Variants in LRRC4C observed in about 807,000 individuals in gnomAD.
LRRC4C encodes leucine rich repeat containing 4C.
LRRC4C carries 5 observed loss-of-function variants against 33.6 expected under a neutral mutation model. The ratio of observed to expected loss-of-function variants is 0.15; its 90% CI spans 0.08 to 0.31. The LOEUF is 0.31. Ranked by LOEUF, LRRC4C falls within the 10% of genes least tolerant of loss-of-function variation. The pLI, the probability that LRRC4C is intolerant of heterozygous loss-of-function variation, is 1.00. For missense variants in LRRC4C, 560 were observed against 796.7 expected (o/e 0.70, Z 3.58); for synonymous variants, 329 against 302.0 (o/e 1.09, Z -0.93).
At chr11:40,625,991 A>C (rs1299803057) in intron 3 of LRRC4C, among the ~76,000 whole-genome samples, 2 of 152,182 alleles carry the variant, frequency 1.3e-5, no homozygotes, top group Non-Finnish European at 2.9e-5. Context: ...TCCTCTGCTC[A>C]AAATTTCCCA....
At chr11:40,605,133 G>A (rs932410177) in intron 3 of LRRC4C, among the ~76,000 whole-genome samples, 1 of 152,110 alleles carries the variant, frequency 6.6e-6, no homozygotes. Flanking sequence ...GAAATTGAGG[G>A]TGAGAGATTT....
At chr11:40,377,332 C>A (rs1490805322) in intron 3 of LRRC4C, among the ~76,000 whole-genome samples, 1 of 152,032 alleles carries the variant, frequency 6.6e-6, no homozygotes, top group Non-Finnish European at 1.5e-5. Context: ...ATGGCATATA[C>A]TATATAGTGT....
intron 1 of LRRC4C, among the ~76,000 whole-genome samples, chr11:41,332,798 G>A (rs1470217449): frequency 3.9e-5 from 6 of 152,036 alleles, no homozygotes; most frequent in Admixed American, 2.0e-4. Flanking sequence ...TGCATCTTTA[G>A]CAATTAACCT....
intron 3 of LRRC4C, among the ~76,000 whole-genome samples, chr11:40,339,161 T>C (rs915110058): frequency 1.3e-5 from 2 of 152,160 alleles, no homozygotes; most frequent in African/African-American, 4.8e-5. Flanking sequence ...GACTTTAGAT[T>C]GTCTCAGGAT....
At chr11:40,472,148 C>T (rs926916513) in intron 3 of LRRC4C, among the ~76,000 whole-genome samples, 4 of 151,784 alleles carry the variant, frequency 2.6e-5, no homozygotes, top group African/African-American at 9.7e-5. Flanking sequence ...GTCGTGGTTG[C>T]GCATGCCTGT....
intron 1 of LRRC4C, among the ~76,000 whole-genome samples, chr11:41,419,043 C>G (rs1481928591): frequency 6.6e-6 from 1 of 151,780 alleles, no homozygotes; most frequent in African/African-American, 2.4e-5. Flanking sequence ...TTGAACCAGG[C>G]TTGGTCTTAA....
chr11:40,549,145 A>G (rs1283880193), intron 3 of LRRC4C, among the ~76,000 whole-genome samples: 1 of 152,174 alleles, frequency 6.6e-6, no homozygotes, highest in African/African-American at 2.4e-5. Context: ...GTGAACATCT[A>G]TTTATTAAAT....
chr11:41,345,971 T>C (rs566656985), intron 1 of LRRC4C, among the ~76,000 whole-genome samples: 5 of 89,418 alleles, frequency 5.6e-5, no homozygotes, highest in Admixed American at 1.5e-4. Context: ...CCTATACATA[T>C]GTTTTTCCAG....
chr11:41,174,816 G>C lies in LRRC4C; in HGVS notation c.-495-241093C>G, dbSNP rs955936731. On this transcript the variant is annotated intron_variant, in intron 1 of 6. Coordinates refer to ENST00000528697, the MANE Select transcript of LRRC4C (RefSeq NM_001258419.2). The stretch of plus-strand genomic sequence containing the variant: ...AAAACAAAATGTCTACCTATACCTA[G>C]ACTTGGATCTTAGAAAAGCACCTCA... Among the ~76,000 whole-genome samples, 20 of 151,640 alleles carry C rather than the reference G, an allele frequency of 1.3e-4. 1 individual carries two copies. Among genetic ancestry groups the C allele is most frequent in the Non-Finnish European group, 1.2e-4 (8 of 67,930 alleles).
chr11:41,424,291 T>A (rs2138353013), intron 1 of LRRC4C, among the ~76,000 whole-genome samples: 1 of 152,128 alleles, frequency 6.6e-6, no homozygotes, highest in African/African-American at 2.4e-5. Context: ...ATCTGGGATT[T>A]TAACAATATC....
chr11:40,418,537 T>C (rs567164748), intron 3 of LRRC4C, among the ~76,000 whole-genome samples: 15 of 152,236 alleles, frequency 9.9e-5, no homozygotes, highest in Non-Finnish European at 1.9e-4. Context: ...TCAACCATTG[T>C]GGAGGACACT....
At chr11:40,278,684 A>G (rs1590892608) in intron 4 of LRRC4C, among the ~76,000 whole-genome samples, 2 of 152,202 alleles carry the variant, frequency 1.3e-5, no homozygotes, top group South Asian at 2.1e-4. Flanking sequence ...CCTATATACA[A>G]TGTAGCATTA....
chr11:41,372,667 TTG>T (rs1952793051), intron 1 of LRRC4C, among the ~76,000 whole-genome samples: 1 of 152,092 alleles, frequency 6.6e-6, no homozygotes, highest in Non-Finnish European at 1.5e-5. Flanking sequence ...CTGATTCCTT[TTG>T]TATTGCTAAC....
Position 40,984,698 on chromosome 11 carries a change from G to T in LRRC4C, c.-495-50975C>A, listed in dbSNP as rs185430821. 2.0e-5 allele frequency among the ~76,000 whole-genome samples: 3 copies of T among 152,108 alleles called. No homozygotes were observed. The East Asian group carries it at 5.8e-4, about 30-fold the overall frequency. On this transcript the variant is annotated intron_variant, in intron 1 of 6. Coordinates refer to ENST00000528697, the MANE Select transcript of LRRC4C (RefSeq NM_001258419.2). ...CGTTTAGTTAGAAGGACTAGATGAA[G>T]AGCTATGTCTGTATAAATTGGAGTA... is the stretch of plus-strand genomic sequence containing the variant.
At chr11:41,078,261 T>C (rs1939302940) in intron 1 of LRRC4C, among the ~76,000 whole-genome samples, 2 of 152,196 alleles carry the variant, frequency 1.3e-5, no homozygotes, top group South Asian at 2.1e-4. Flanking sequence ...TGTCTTCTTC[T>C]AAGCCCTCCA....
At chr11:40,597,655 T>G (rs751060616) in intron 3 of LRRC4C, among the ~76,000 whole-genome samples, 3 of 152,172 alleles carry the variant, frequency 2.0e-5, no homozygotes, top group Non-Finnish European at 4.4e-5. Context: ...CCTTATTTAT[T>G]AAAAGAATAC....
chr11:40,298,189 A>T (rs1010580940), intron 4 of LRRC4C, among the ~76,000 whole-genome samples: 8 of 152,344 alleles, frequency 5.3e-5, no homozygotes, highest in African/African-American at 1.9e-4. Context: ...CTAAGAGAAG[A>T]TGCCACCAAA....
At chr11:41,178,384 G>C (rs1451898573) in intron 1 of LRRC4C, among the ~76,000 whole-genome samples, 1 of 152,020 alleles carries the variant, frequency 6.6e-6, no homozygotes, top group Non-Finnish European at 1.5e-5. Flanking sequence ...TTTTGAGACT[G>C]GTTCTTTGAC....
At chr11:40,219,983 C>G (rs1168570305) in intron 5 of LRRC4C, among the ~76,000 whole-genome samples, 1 of 152,086 alleles carries the variant, frequency 6.6e-6, no homozygotes. Context: ...CTGTATGCAT[C>G]CCATAACATC....
Sources: allele counts gnomAD v4.1 joint callset (sites outside exome capture counted in the v4.1 genomes callset), GRCh38; gene constraint gnomAD v4.1.1; transcripts MANE v1.5; gene names NCBI Gene and HGNC (gene_info 2026-07-23, HGNC 2026-07-21).